PCDH15: variants seen among roughly 807,000 people sequenced by gnomAD.
PCDH15 encodes the protein protocadherin related 15, also known as protocadherin-15.
Under a neutral mutation model 178.5 loss-of-function variants are expected in PCDH15, and 129 were observed. The observed-to-expected ratio is 0.72, with a 90% CI of 0.63 to 0.84. The LOEUF (loss-of-function observed/expected upper bound fraction) is 0.84, where lower values mean the gene tolerates loss of function less well. PCDH15 is among the 40% of genes least tolerant of loss of function. The pLI is 0.00. For synonymous variants in PCDH15, 800 were observed against 732.0 expected (o/e 1.09, Z -1.50); for missense variants, 2,230 against 2,099.9 (o/e 1.06, Z -1.21).
At chr10:54,380,459 C>T (rs1170556631) in intron 3 of PCDH15, among the ~76,000 whole-genome samples, 4 of 151,162 alleles carry the variant, frequency 2.6e-5, no homozygotes, top group East Asian at 2.0e-4. Context: ...ATACTTCACA[C>T]AACTCACCAT....
intron 2 of PCDH15, among the ~76,000 whole-genome samples, chr10:54,936,390 A>C (rs2131858329): frequency 6.6e-6 from 1 of 152,090 alleles, no homozygotes; most frequent in South Asian, 2.1e-4. Context: ...TCTTGGGTAT[A>C]TATCTAGGAG....
chr10:54,305,116 T>G (rs181328840), intron 8 of PCDH15, among the ~76,000 whole-genome samples: 42 of 152,230 alleles, frequency 2.8e-4, no homozygotes, highest in Non-Finnish European at 5.3e-4. Flanking sequence ...TGTACATAAT[T>G]TCTTTTCTGA....
At chr10:54,111,972 C>CAA (rs369333708) in intron 15 of PCDH15, among the ~76,000 whole-genome samples, 2,621 of 97,394 alleles carry the variant, frequency 0.027, 142 homozygotes, top group African/African-American at 0.07. Context: ...ACCAAAAATA[C>CAA]AAAAAAAAAA....
intron 25 of PCDH15, among the ~76,000 whole-genome samples, chr10:53,937,390 T>C (rs2593125): frequency 0.033 from 4,983 of 152,314 alleles, 251 homozygotes; most frequent in African/African-American, 0.11. Context: ...CATTATATAA[T>C]TTAGAGTTAC....
At chr10:55,037,053 T>G (rs2131972664) in intron 2 of PCDH15, among the ~76,000 whole-genome samples, 1 of 152,170 alleles carries the variant, frequency 6.6e-6, no homozygotes, top group South Asian at 2.1e-4. Flanking sequence ...TGAAGATAAA[T>G]AGTTAGACAT....
At chr10:55,463,623 C>T (rs1426385674) in intron 2 of PCDH15, among the ~76,000 whole-genome samples, 1 of 151,940 alleles carries the variant, frequency 6.6e-6, no homozygotes, top group Non-Finnish European at 1.5e-5. Context: ...CACGCCACTG[C>T]CCAATGTATG....
chr10:54,058,418 G>C (rs1014777030), intron 18 of PCDH15, among the ~76,000 whole-genome samples: 6 of 152,178 alleles, frequency 3.9e-5, no homozygotes, highest in African/African-American at 1.2e-4. Flanking sequence ...TGGTAGGAAA[G>C]ACAGCGTATG....
chr10:54,019,016 C>T (rs533376069), intron 20 of PCDH15, among the ~76,000 whole-genome samples: 1 of 152,114 alleles, frequency 6.6e-6, no homozygotes, highest in South Asian at 2.1e-4. Flanking sequence ...ACTCTATAGG[C>T]TTCTTTGCAA....
At chr10:54,523,678 T>A (rs1256817296) in intron 3 of PCDH15, among the ~76,000 whole-genome samples, 1 of 152,216 alleles carries the variant, frequency 6.6e-6, no homozygotes, top group Non-Finnish European at 1.5e-5. Flanking sequence ...AGATAGTTTT[T>A]GAATTACTAT....
intron 1 of PCDH15, among the ~76,000 whole-genome samples, chr10:55,317,487 T>TC (rs1302145054): frequency 3.3e-5 from 5 of 151,912 alleles, no homozygotes; most frequent in Admixed American, 6.6e-5. Flanking sequence ...TGTTTTTTTT[T>TC]TCTCTATTCT....
intron 4 of PCDH15, among the ~76,000 whole-genome samples, chr10:54,373,060 T>A (rs1363003644): frequency 1.3e-5 from 2 of 151,890 alleles, no homozygotes; most frequent in African/African-American, 4.8e-5. Context: ...AATTTCTCAA[T>A]CATTTAGGAT....
At chr10:53,860,718 C>CT (rs2079049336) in intron 27 of PCDH15, among the ~76,000 whole-genome samples, 2 of 100,608 alleles carry the variant, frequency 2.0e-5, no homozygotes, top group Admixed American at 1.2e-4. Flanking sequence ...GCGAGAGACT[C>CT]TGTCTCAAAA....
chr10:53,925,480 G>A (rs952044962), intron 25 of PCDH15, among the ~76,000 whole-genome samples: 2 of 152,162 alleles, frequency 1.3e-5, no homozygotes, highest in East Asian at 1.9e-4. Context: ...TCACCGCGAG[G>A]GTCCGCGGCT....
At chr10:54,049,328 ACTT>A (rs1269037703) in intron 18 of PCDH15, among the ~76,000 whole-genome samples, 1 of 151,952 alleles carries the variant, frequency 6.6e-6, no homozygotes, top group Non-Finnish European at 1.5e-5. Flanking sequence ...AGATATTTTG[ACTT>A]CTTCTGTTCC....
chr10:55,307,345 C>CA (rs749531469), intron 1 of PCDH15, among the ~76,000 whole-genome samples: 20 of 151,060 alleles, frequency 1.3e-4, no homozygotes, highest in Admixed American at 5.9e-4. Flanking sequence ...ACTAAAAATA[C>CA]AAAAAAAATT....
intron 8 of PCDH15, among the ~76,000 whole-genome samples, chr10:54,289,551 T>G (rs921808338): frequency 1.3e-5 from 2 of 152,268 alleles, no homozygotes; most frequent in East Asian, 3.9e-4. Context: ...ATGACTTTGA[T>G]GAGTTGACAG....
intron 3 of PCDH15, among the ~76,000 whole-genome samples, chr10:54,480,964 G>C (rs1046675474): frequency 7.2e-5 from 11 of 151,830 alleles, no homozygotes; most frequent in Non-Finnish European, 1.3e-4. Context: ...AGAAGTATGA[G>C]AGCCCGTATT....
At chr10:55,285,510 TAGTA>T (rs1842843180) in intron 1 of PCDH15, among the ~76,000 whole-genome samples, 1 of 151,784 alleles carries the variant, frequency 6.6e-6, no homozygotes, top group African/African-American at 2.4e-5. Flanking sequence ...ATATTTAACT[TAGTA>T]AGTCCCCTTT....
At chr10:55,043,851 T>C (rs746846225) in intron 2 of PCDH15, among the ~76,000 whole-genome samples, 6 of 152,248 alleles carry the variant, frequency 3.9e-5, no homozygotes, top group Middle Eastern at 3.4e-3. Context: ...CCAGTTGCTC[T>C]GGCAATGTGA....
Sources: allele counts gnomAD v4.1 joint callset (sites outside exome capture counted in the v4.1 genomes callset), GRCh38; gene constraint gnomAD v4.1.1; transcripts MANE v1.5; gene names NCBI Gene and HGNC (gene_info 2026-07-23, HGNC 2026-07-21).